The following CKAP5 variants were observed in gnomAD, a reference collection of about 807,000 sequenced individuals.
The protein encoded by CKAP5 is cytoskeleton-associated protein 5.
A neutral mutation model predicts 232.8 loss-of-function variants in CKAP5; 27 were observed. That is an observed-to-expected ratio of 0.12 (90% CI 0.09 to 0.16). The LOEUF is 0.16. Ranked by LOEUF, CKAP5 falls within the 10% of genes least tolerant of loss-of-function variation. CKAP5 has a pLI of 1.00. For missense variants in CKAP5, 1,838 were observed against 2,424.7 expected, an observed-to-expected ratio of 0.76 and a Z score of 5.08; for synonymous variants, 785 against 841.1, an observed-to-expected ratio of 0.93 and a Z score of 1.16.
chr11:46,844,512 A>G (rs1017330003), intron 1 of CKAP5, among the ~76,000 whole-genome samples: 2 of 152,248 alleles, frequency 1.3e-5, no homozygotes, highest in African/African-American at 2.4e-5. Context: ...TACCACACCC[A>G]CTGTTCATAA....
rs1460157298 is a variant in CKAP5 at position 46,788,687 on chromosome 11, A to G, written c.1962T>C (p.Asn654=). 1 of 1,587,662 alleles carries G rather than the reference A, an allele frequency of 6.3e-7. No homozygotes were observed. The highest frequency in any genetic ancestry group is 1.1e-5 in the South Asian group (1 of 89,932). Residue 654 remains asparagine, a synonymous_variant, in exon 16 of 44, where the codon AAT becomes AAC. Transcript: ENST00000529230. The part of the protein sequence containing the change: ...LAKKPGWKET[N]FQVMQMKLHI... ...ATCTCACATTTTAAAATACCTGAAA[A>G]TTAGTTTCTTTCCATCCAGGTTTCT... is the stretch of plus-strand genomic sequence containing the variant.
chr11:46,809,973 TTC>T, intron 5 of CKAP5, 99 bp from the exon 6 acceptor site: 1 of 1,226,840 alleles, frequency 8.2e-7, no homozygotes, highest in Non-Finnish European at 1.1e-6. Context: ...CCCAATTTCT[TTC>T]TTTTTTTTTT....
chr11:46,813,782 TAA>T (rs1183086191), intron 4 of CKAP5, among the ~76,000 whole-genome samples: 4 of 152,050 alleles, frequency 2.6e-5, no homozygotes, highest in African/African-American at 9.7e-5. Context: ...CCAGTTTAGC[TAA>T]AAAATGAAAT....
Position 46,753,303 on chromosome 11 carries a change from G to A in CKAP5, c.5057+7C>T. 6.2e-7 allele frequency: 1 copy of A among 1,601,440 alleles called. No homozygotes were observed. The highest frequency in any genetic ancestry group is 1.1e-5 in the South Asian group (1 of 89,988). On this transcript the variant is annotated splice_region_variant and intron_variant, in intron 37 of 43. Coordinates refer to ENST00000529230, the MANE Select transcript of CKAP5 (RefSeq NM_001008938.4). ...CCAGGCTCTATTGGCTGAGAGTACA[G>A]ATATACCTCAGGATGTTGGTCTGGT...
At chr11:46,783,057 GA>G in intron 18 of CKAP5, 1 of 307,116 alleles carries the variant, frequency 3.3e-6, no homozygotes, top group East Asian at 5.4e-5. Context: ...AATGCTTAAG[GA>G]AAAATAACGT....
In CKAP5 at chr11:46,744,071, T is replaced by C; in HGVS notation, c.6051A>G (p.Ile2017Met). 1 of 1,613,858 alleles carries C rather than the reference T, an allele frequency of 6.2e-7. No individual in the cohort carries two copies. The highest frequency in any genetic ancestry group is 8.5e-7 in the Non-Finnish European group (1 of 1,180,028). Residue 2017 changes from isoleucine to methionine, a missense_variant, in exon 44 of 44, where the codon ATA becomes ATG. Physicochemically the swap from Ile to Met is conservative, Grantham distance 10 (BLOSUM62 1). This residue lies in a region of CKAP5 where 62 missense variants were observed against 61.1 expected (regional missense o/e 1.01). Coordinates refer to ENST00000529230, the MANE Select transcript of CKAP5 (RefSeq NM_001008938.4). ...TVTSSSSTANIDDLKKRLERI... is the reference protein window; with the variant it reads ...TVTSSSSTANMDDLKKRLERI... ...TCTCCAGTCTTTTTTTCAAGTCGTCTATGTTAGCTGTGGAGGAGGAGGAGG... is the reference window on the plus strand; with the variant it reads ...TCTCCAGTCTTTTTTTCAAGTCGTCCATGTTAGCTGTGGAGGAGGAGGAGG...
At position 46,754,887 on chromosome 11, in the gene CKAP5, C is replaced by T. The variant is rs1337339464; in HGVS notation, c.4869+1G>A. ...CTGAAATTCTGCAGAGGTGCCCTTACCGAAATCATGTTGCCAATGATACAG... is the reference window on the plus strand; with the variant it reads ...CTGAAATTCTGCAGAGGTGCCCTTATCGAAATCATGTTGCCAATGATACAG... On this transcript the variant is annotated splice_donor_variant, in intron 36 of 43. Coordinates refer to ENST00000529230, the MANE Select transcript of CKAP5 (RefSeq NM_001008938.4). LOFTEE classifies it high-confidence loss of function. The T allele has an allele frequency of 6.2e-7, 1 of 1,611,092 alleles. No individual in the cohort carries two copies. Among genetic ancestry groups the T allele is most frequent in the Non-Finnish European group, 8.5e-7 (1 of 1,178,664 alleles).
Position 46,744,295 on chromosome 11 carries a change from G to C in CKAP5, c.5857-30C>G, listed in dbSNP as rs377155212. 1.1e-4 allele frequency: 182 copies of C among 1,613,682 alleles called. No individual in the cohort carries two copies. In the Middle Eastern group the frequency reaches 2.0e-3, roughly 18 times the overall value. ...TGAGAGAAGGAGAGAGATTGTCTAA[G>C]GTCAGGTCAAGCAGGTCAAGATGCA... On this transcript the variant is annotated intron_variant, in intron 43 of 43. Transcript: ENST00000529230.
intron 22 of CKAP5, 152 bp downstream of exon 22, chr11:46,777,987 T>G: frequency 1.8e-5 from 11 of 618,650 alleles, no homozygotes; most frequent in Admixed American, 3.3e-5. Context: ...CATCATATCT[T>G]GAGATACACT....
chr11:46,800,413 G>A (rs1939000490), intron 9 of CKAP5, among the ~76,000 whole-genome samples: 2 of 152,218 alleles, frequency 1.3e-5, no homozygotes, highest in South Asian at 2.1e-4. Flanking sequence ...ACATGACTAG[G>A]GACTATTAGG....
chr11:46,842,378 G>A (rs1162735297), intron 1 of CKAP5, among the ~76,000 whole-genome samples: 2 of 152,184 alleles, frequency 1.3e-5, no homozygotes, highest in Non-Finnish European at 2.9e-5. Flanking sequence ...TAGAGCCACT[G>A]ATATACTTCA....
At chr11:46,824,768 T>C (rs567287135) in intron 1 of CKAP5, among the ~76,000 whole-genome samples, 8 of 152,338 alleles carry the variant, frequency 5.3e-5, no homozygotes, top group Admixed American at 1.3e-4. Flanking sequence ...GATCTGGATT[T>C]TATAAACAGA....
rs2064999039 is a variant in CKAP5 at position 46,743,377 on chromosome 11, T to C, written c.*646A>G. ...GAGCAGGGAAGGAGAGTTCCTTCCA[T>C]TCCAAAGGAATAAAAGACAGCTCCA... On this transcript the variant is annotated 3_prime_UTR_variant, in exon 44 of 44. Coordinates refer to ENST00000529230, the MANE Select transcript of CKAP5 (RefSeq NM_001008938.4). 1 of 152,408 alleles carries C rather than the reference T, an allele frequency of 6.6e-6. No individual in the cohort carries two copies. 9.4% of individuals were successfully genotyped at this position (152,408 alleles called of 1,614,324 possible).
intron 42 of CKAP5, among the ~76,000 whole-genome samples, chr11:46,745,421 C>T (rs1370836070): frequency 3.9e-5 from 6 of 152,138 alleles, no homozygotes; most frequent in African/African-American, 1.4e-4. Flanking sequence ...TGTCTGAATA[C>T]TCTAAGGCAC....
intron 5 of CKAP5, 54 bp downstream of exon 5, chr11:46,810,953 A>C: frequency 2.1e-6 from 3 of 1,434,454 alleles, no homozygotes; most frequent in Non-Finnish European, 1.9e-6. Flanking sequence ...GATAGGAAGA[A>C]AATATTTTCA....
intron 1 of CKAP5, among the ~76,000 whole-genome samples, chr11:46,845,061 A>C (rs1039924689): frequency 9.2e-5 from 14 of 152,230 alleles, no homozygotes; most frequent in African/African-American, 3.4e-4. Flanking sequence ...ATTTGGTAAA[A>C]GCATTACAGT....
In CKAP5 at chr11:46,751,500, G is replaced by A. The variant is rs1430460365; in HGVS notation, c.5168C>T (p.Thr1723Ile). Residue 1723 changes from threonine to isoleucine, a missense_variant, in exon 39 of 44, where the codon ACC becomes ATC. This residue lies in a region of CKAP5 where 579 missense variants were observed against 843.2 expected (regional missense o/e 0.69). Coordinates refer to ENST00000529230, the MANE Select transcript of CKAP5 (RefSeq NM_001008938.4). ...LWRMVRLLPD[T>I]INSINLDRIL... Reference sequence around the variant, plus strand: ...TCTGTCTAGGTTAATGCTATTGATGGTATCAGGCAACAGTCGAACCATTCT... The same window carrying A: ...TCTGTCTAGGTTAATGCTATTGATGATATCAGGCAACAGTCGAACCATTCT... The A allele has an allele frequency of 1.4e-5, 22 of 1,613,328 alleles. No homozygotes were observed. The highest frequency in any genetic ancestry group is 1.9e-5 in the Non-Finnish European group (22 of 1,179,790).
rs527243997 is a variant in CKAP5, at chr11:46,790,395, C to T, written c.1764+75G>A. On this transcript the variant is annotated intron_variant, in intron 14 of 43. Coordinates refer to ENST00000529230, the MANE Select transcript of CKAP5 (RefSeq NM_001008938.4). Reference sequence around the variant, plus strand: ...ATTAACTGTACGTTGTAGAACCCAGCAAAGAACTCCAGTCTTCTCATTGGT... The same window carrying T: ...ATTAACTGTACGTTGTAGAACCCAGTAAAGAACTCCAGTCTTCTCATTGGT... The T allele has an allele frequency of 1.9e-4, 217 of 1,126,006 alleles. 1 individual carries two copies. The South Asian group carries it at 2.0e-3, about 10-fold the overall frequency. The allele number at this position is 1,126,006 out of a possible 1,614,324, so 69.8% of individuals were successfully genotyped here.
At chr11:46,795,466 A>C (rs1592463068) in intron 13 of CKAP5, 128 bp downstream of exon 13, 1 of 702,884 alleles carries the variant, frequency 1.4e-6, no homozygotes, top group East Asian at 2.7e-5. Context: ...TCATTAACAG[A>C]TTTTCTGCTG....
Sources: allele counts gnomAD v4.1 joint callset (sites outside exome capture counted in the v4.1 genomes callset), GRCh38; gene constraint gnomAD v4.1.1; regional missense constraint gnomAD v4.1.1; transcripts MANE v1.5; gene names NCBI Gene and HGNC (gene_info 2026-07-23, HGNC 2026-07-21).